SGCZ: variants seen among roughly 807,000 people sequenced by gnomAD.
SGCZ encodes sarcoglycan zeta.
In SGCZ, 40 loss-of-function variants were observed where a neutral mutation model predicts 41.3. That is an observed-to-expected ratio of 0.97 (90% CI 0.75 to 1.26). SGCZ has a LOEUF of 1.26. Among genes scored for constraint, SGCZ ranks in the 50% most tolerant of loss-of-function variants. The probability of loss-of-function intolerance (pLI) is 0.00; values close to 1 mark genes in which losing one functional copy is unlikely to be tolerated. For missense variants in SGCZ, 552 were observed against 369.8 expected, an observed-to-expected ratio of 1.49 and a Z score of -4.04; for synonymous variants, 206 against 137.5, an observed-to-expected ratio of 1.50 and a Z score of -3.49.
At chr8:14,368,160 A>G (rs999041295) in intron 2 of SGCZ, among the ~76,000 whole-genome samples, 1 of 152,128 alleles carries the variant, frequency 6.6e-6, no homozygotes, top group African/African-American at 2.4e-5. Flanking sequence ...GGTTCTTTCA[A>G]TTTAATTATG....
At chr8:14,839,341 G>A (rs993603508) in intron 1 of SGCZ, among the ~76,000 whole-genome samples, 3 of 152,148 alleles carry the variant, frequency 2.0e-5, no homozygotes, top group Non-Finnish European at 2.9e-5. Flanking sequence ...CACGCTTGCA[G>A]AGGACCCATT....
chr8:14,866,346 C>T (rs1454696128), intron 1 of SGCZ, among the ~76,000 whole-genome samples: 1 of 152,010 alleles, frequency 6.6e-6, no homozygotes, highest in African/African-American at 2.4e-5. Context: ...AGGTAAAACA[C>T]TGGTTTTATT....
intron 4 of SGCZ, among the ~76,000 whole-genome samples, chr8:14,205,922 T>C (rs1805599463): frequency 6.6e-6 from 1 of 152,136 alleles, no homozygotes; most frequent in Non-Finnish European, 1.5e-5. Flanking sequence ...GGCATTTTTC[T>C]CTATTTTACA....
At chr8:14,472,169 C>T (rs1801230900) in intron 2 of SGCZ, among the ~76,000 whole-genome samples, 1 of 151,920 alleles carries the variant, frequency 6.6e-6, no homozygotes, top group African/African-American at 2.4e-5. Context: ...TTAGAAGTGA[C>T]CTTTAGTTGG....
At chr8:14,232,802 A>C (rs189757345) in intron 4 of SGCZ, among the ~76,000 whole-genome samples, 1 of 152,138 alleles carries the variant, frequency 6.6e-6, no homozygotes, top group African/African-American at 2.4e-5. Flanking sequence ...CATTCTTCCA[A>C]ATTTATTGAG....
chr8:14,951,116 T>C (rs59348826), intron 1 of SGCZ, among the ~76,000 whole-genome samples: 2,211 of 152,080 alleles, frequency 0.015, 49 homozygotes, highest in African/African-American at 0.048. Context: ...GTTAAACAGA[T>C]GGCCTTAATG....
intron 2 of SGCZ, among the ~76,000 whole-genome samples, chr8:14,368,303 A>G (rs745341936): frequency 2.6e-5 from 4 of 152,110 alleles, no homozygotes; most frequent in African/African-American, 4.8e-5. Flanking sequence ...GGCATCATAC[A>G]GCTGTTTTCT....
At chr8:15,148,411 A>T (rs1422245888) in intron 1 of SGCZ, among the ~76,000 whole-genome samples, 1 of 152,186 alleles carries the variant, frequency 6.6e-6, no homozygotes, top group Non-Finnish European at 1.5e-5. Flanking sequence ...GCCTTGACAT[A>T]AAAGTGAGTT....
rs762789201 is a variant in SGCZ, at chr8:15,237,582, T to C, written c.39+3A>G. The C allele has an allele frequency of 6.3e-6, 10 of 1,589,136 alleles. No individual in the cohort carries two copies. In the South Asian group the frequency reaches 9.1e-5, roughly 14 times the overall value. On this transcript the variant is annotated splice_donor_region_variant and intron_variant, in intron 1 of 7. Transcript: ENST00000382080. ...CGCGAAGCCCGCCCGGACCCGCACG[T>C]ACCTTGAGCTCCTCAATGTCCAGGT...
chr8:14,549,599 G>A (rs114445446), intron 2 of SGCZ, among the ~76,000 whole-genome samples: 2,392 of 152,180 alleles, frequency 0.016, 55 homozygotes, highest in African/African-American at 0.055. Context: ...AACAGCTTCT[G>A]CTCCTTAGGG....
chr8:15,182,039 C>T lies in SGCZ; in HGVS notation c.39+55546G>A, dbSNP rs113191126. On this transcript the variant is annotated intron_variant, in intron 1 of 7. Transcript: ENST00000382080. ...ACTGAGTATCCATTCATAGGACAAT[C>T]CTTGAAAAAATAGAGGAAACCATTT... 1.4e-3 allele frequency among the ~76,000 whole-genome samples: 217 copies of T among 152,158 alleles called. 1 individual carries two copies. Among genetic ancestry groups the T allele is most frequent in the African/African-American group, 4.8e-3 (199 of 41,536 alleles).
intron 2 of SGCZ, among the ~76,000 whole-genome samples, chr8:14,415,801 G>C (rs746491788): frequency 6.6e-6 from 1 of 151,884 alleles, no homozygotes; most frequent in Non-Finnish European, 1.5e-5. Flanking sequence ...CATGAAATTG[G>C]CTCACACTAC....
At position 14,941,910 on chromosome 8, in the gene SGCZ, G is replaced by A. The variant is rs1038998260; in HGVS notation, c.39+295675C>T. Among the ~76,000 whole-genome samples, 12 of 151,114 alleles carry A rather than the reference G, an allele frequency of 7.9e-5. No individual in the cohort carries two copies. The South Asian group carries it at 1.3e-3, about 16-fold the overall frequency. On this transcript the variant is annotated intron_variant, in intron 1 of 7. Coordinates refer to ENST00000382080, the MANE Select transcript of SGCZ (RefSeq NM_139167.4). ...GTTATATATATGGCAAAAGTAGTTCGAAGGAAAAAGTTAAAATATATAATG... is the reference window on the plus strand; with the variant it reads ...GTTATATATATGGCAAAAGTAGTTCAAAGGAAAAAGTTAAAATATATAATG...
intron 7 of SGCZ, among the ~76,000 whole-genome samples, chr8:14,099,090 T>A (rs1801932112): frequency 6.6e-6 from 1 of 152,170 alleles, no homozygotes. Context: ...TGATATTGGC[T>A]TGAGATAGAG....
At chr8:14,563,929 C>T (rs973028702) in intron 1 of SGCZ, among the ~76,000 whole-genome samples, 34 of 152,042 alleles carry the variant, frequency 2.2e-4, no homozygotes, top group African/African-American at 7.7e-4. Context: ...CTCACGTAAA[C>T]CCTGAATATA....
chr8:15,032,556 C>A (rs1200984609), intron 1 of SGCZ, among the ~76,000 whole-genome samples: 2 of 152,106 alleles, frequency 1.3e-5, no homozygotes, highest in Non-Finnish European at 2.9e-5. Context: ...GACCTACAGA[C>A]CCGGGATGCA....
At chr8:14,909,501 G>A (rs1250023519) in intron 1 of SGCZ, among the ~76,000 whole-genome samples, 1 of 151,700 alleles carries the variant, frequency 6.6e-6, no homozygotes, top group Non-Finnish European at 1.5e-5. Context: ...AATTATCTGT[G>A]TCTGATTTAT....
At chr8:14,619,444 A>G (rs1414800146) in intron 1 of SGCZ, among the ~76,000 whole-genome samples, 1 of 139,672 alleles carries the variant, frequency 7.2e-6, no homozygotes, top group Non-Finnish European at 1.6e-5. Flanking sequence ...GGCCAGGGCA[A>G]TCAGGCAGGA....
chr8:14,594,118 T>G (rs1016146099), intron 1 of SGCZ, among the ~76,000 whole-genome samples: 1 of 151,212 alleles, frequency 6.6e-6, no homozygotes, highest in Non-Finnish European at 1.5e-5. Flanking sequence ...GAGGTTACAG[T>G]GAGTCGAGAT....
Sources: allele counts gnomAD v4.1 joint callset (sites outside exome capture counted in the v4.1 genomes callset), GRCh38; gene constraint gnomAD v4.1.1; transcripts MANE v1.5; gene names NCBI Gene and HGNC (gene_info 2026-07-23, HGNC 2026-07-21).